ERMP1: variants seen among roughly 807,000 people sequenced by gnomAD.
ERMP1 encodes the protein Felix-ina.
A neutral mutation model predicts 92.0 loss-of-function variants in ERMP1; 86 were observed. That is an observed-to-expected ratio of 0.93 (90% CI 0.79 to 1.12). The LOEUF (loss-of-function observed/expected upper bound fraction) is 1.12, where lower values mean the gene tolerates loss of function less well. ERMP1 is among the 50% of genes most tolerant of loss of function. The pLI, the probability that ERMP1 is intolerant of heterozygous loss-of-function variation, is 0.00. For synonymous variants in ERMP1, 530 were observed against 412.8 expected (o/e 1.28, Z -3.44); for missense variants, 1,342 against 1,116.3 (o/e 1.20, Z -2.88).
chr9:5,864,006 C>G (rs1462676328), intron 5 of ERMP1, among the ~76,000 whole-genome samples: 1 of 152,132 alleles, frequency 6.6e-6, no homozygotes, highest in African/African-American at 2.4e-5. Context: ...CATCACCATA[C>G]TGGACATCCT....
Position 5,803,707 on chromosome 9 carries a change from A to G in ERMP1, c.1914+1320T>C, listed in dbSNP as rs555816904. 7.2e-5 allele frequency among the ~76,000 whole-genome samples: 11 copies of G among 152,264 alleles called. No individual in the cohort carries two copies. In the East Asian group the frequency reaches 2.1e-3, roughly 29 times the overall value. On this transcript the variant is annotated intron_variant, in intron 10 of 14. Transcript: ENST00000339450. ...TCCTTACAACAGCAAACCTATCAAA[A>G]ATACAGATGATATAAGGGTTACTAT...
intron 4 of ERMP1, among the ~76,000 whole-genome samples, chr9:5,818,159 C>CAA (rs563157022): frequency 5.2e-5 from 6 of 114,680 alleles, no homozygotes; most frequent in African/African-American, 1.3e-4. Flanking sequence ...GATCCTATCT[C>CAA]AAAAAAAAAA....
intron 13 of ERMP1, among the ~76,000 whole-genome samples, chr9:5,788,679 AAG>A (rs1011738449): frequency 9.5e-4 from 145 of 152,304 alleles, no homozygotes; most frequent in African/African-American, 3.4e-3. Context: ...TACCAAAAAA[AAG>A]TATCAGAAAA....
intron 13 of ERMP1, among the ~76,000 whole-genome samples, chr9:5,795,575 T>G (rs967033325): frequency 2.0e-5 from 3 of 152,092 alleles, no homozygotes; most frequent in African/African-American, 7.2e-5. Flanking sequence ...GTCAGGAGTT[T>G]GAGACCAGCC....
chr9:5,812,595 A>AC, intron 5 of ERMP1: 1 of 443,744 alleles, frequency 2.3e-6, no homozygotes. Flanking sequence ...TGGCAAACCA[A>AC]GACAACAACG....
intron 7 of ERMP1, 148 bp downstream of exon 7, chr9:5,810,963 T>G: frequency 1.8e-6 from 1 of 559,696 alleles, no homozygotes; most frequent in Non-Finnish European, 3.1e-6. Context: ...AGCATATTAA[T>G]TTAATATTTA....
rs1829154601 is a variant in ERMP1, at chr9:5,812,870, G to GT, written c.1021+18dup. The GT allele has an allele frequency of 6.2e-7, 1 of 1,613,454 alleles. No individual in the cohort carries two copies. Among genetic ancestry groups the GT allele is most frequent in the Admixed American group, 1.7e-5 (1 of 59,994 alleles). On this transcript the variant is annotated intron_variant, in intron 5 of 14. Transcript: ENST00000339450. ...ATAAATAAATGCTGCACAGTAGGCC[G>GT]TAACCATTGACAATATACCTGGAAT... is the stretch of plus-strand genomic sequence containing the variant.
intron 4 of ERMP1, among the ~76,000 whole-genome samples, chr9:5,820,378 T>A (rs1829485715): frequency 6.6e-6 from 1 of 152,236 alleles, no homozygotes; most frequent in Non-Finnish European, 1.5e-5. Context: ...CATATATAAA[T>A]GTATATTAAT....
chr9:5,865,371 G>A (rs1318609145), intron 5 of ERMP1, among the ~76,000 whole-genome samples: 3 of 152,044 alleles, frequency 2.0e-5, no homozygotes, highest in East Asian at 3.9e-4. Flanking sequence ...AGCTGAGCGC[G>A]GTGGCAGGCG....
chr9:5,817,470 G>A (rs1275984820), intron 4 of ERMP1, among the ~76,000 whole-genome samples: 1 of 152,304 alleles, frequency 6.6e-6, no homozygotes, highest in South Asian at 2.1e-4. Context: ...GATTACAGGC[G>A]TAAGCCACCA....
At chr9:5,830,603 C>T (rs1226085965) in intron 2 of ERMP1, 124 bp downstream of exon 2, 1 of 658,274 alleles carries the variant, frequency 1.5e-6, no homozygotes, top group East Asian at 2.7e-5. Flanking sequence ...TCCTGCTTTC[C>T]ATCACAAAGA....
At position 5,825,219 on chromosome 9, in the gene ERMP1, C is replaced by T. The variant is rs1651558184; in HGVS notation, c.641G>A (p.Gly214Asp). The T allele has an allele frequency of 1.2e-6, 2 of 1,605,616 alleles. No homozygotes were observed. The highest frequency in any genetic ancestry group is 2.7e-5 in the African/African-American group (2 of 74,236). The change falls in exon 3 of 15, where the codon GGT (glycine) becomes GAT (aspartate). Residue 214 changes from glycine to aspartate, a missense_variant and splice_region_variant. By Grantham distance (94) the Gly-to-Asp change is moderately conservative (BLOSUM62 -1). Coordinates refer to ENST00000339450, the MANE Select transcript of ERMP1 (RefSeq NM_024896.3). Reference protein sequence around the residue: ...CHFDSVANSPGASDDAVSCSV... With the variant: ...CHFDSVANSPDASDDAVSCSV... ...GCAGCTAACTGCATCATCACTGGCA[C>T]CTTCAAATCAGAAAAACAAATTTGC...
At position 5,830,720 on chromosome 9, in the gene ERMP1, T is replaced by TA; in HGVS notation, c.640+6dup. On this transcript the variant is annotated splice_region_variant and intron_variant, in intron 2 of 14. Coordinates refer to ENST00000339450, the MANE Select transcript of ERMP1 (RefSeq NM_024896.3). Reference sequence around the variant, plus strand: ...AAGTTCCAAATGACTAAAAAACAGGTACATACCTGGTGAGTTTGCTACTGA... The same window carrying TA: ...AAGTTCCAAATGACTAAAAAACAGGTAACATACCTGGTGAGTTTGCTACTGA... The TA allele has an allele frequency of 2.4e-5, 38 of 1,604,950 alleles. No homozygotes were observed. Among genetic ancestry groups the TA allele is most frequent in the Non-Finnish European group, 3.2e-5 (38 of 1,174,428 alleles).
At chr9:5,810,815 T>C (rs1489598612) in intron 7 of ERMP1, among the ~76,000 whole-genome samples, 2 of 152,190 alleles carry the variant, frequency 1.3e-5, no homozygotes, top group Admixed American at 6.5e-5. Context: ...TATTGGTCTG[T>C]AGTGTGGACT....
chr9:5,827,450 G>A (rs1197396056), intron 2 of ERMP1, among the ~76,000 whole-genome samples: 1 of 152,196 alleles, frequency 6.6e-6, no homozygotes. Flanking sequence ...CAGGACTGCA[G>A]GTTGGACAAG....
intron 6 of ERMP1, among the ~76,000 whole-genome samples, chr9:5,849,935 G>A (rs553382490): frequency 3.9e-5 from 6 of 152,268 alleles, no homozygotes; most frequent in South Asian, 4.1e-4. Flanking sequence ...AAGCAGACTC[G>A]AAATTAATGA....
chr9:5,856,405 TG>T, intron 6 of ERMP1: 1 of 175,680 alleles, frequency 5.7e-6, no homozygotes, highest in Non-Finnish European at 1.3e-5. Context: ...AGGATGACCA[TG>T]TGCAGGAGTT....
chr9:5,810,384 C>T (rs1829046154), intron 7 of ERMP1, among the ~76,000 whole-genome samples, 153 bp from the exon 8 acceptor site: 1 of 152,110 alleles, frequency 6.6e-6, no homozygotes, highest in African/African-American at 2.4e-5. Context: ...ATTGGCCAAA[C>T]ACAAGAACAA....
At chr9:5,813,106 C>A in intron 4 of ERMP1, 71 bp from the exon 5 acceptor site, 1 of 1,542,080 alleles carries the variant, frequency 6.5e-7, no homozygotes, top group South Asian at 1.1e-5. Flanking sequence ...TGTTTTTCAA[C>A]ACATAGAAAA....
Sources: allele counts gnomAD v4.1 joint callset (sites outside exome capture counted in the v4.1 genomes callset), GRCh38; gene constraint gnomAD v4.1.1; transcripts MANE v1.5; gene names NCBI Gene and HGNC (gene_info 2026-07-23, HGNC 2026-07-21).